The following SORCS3 variants were observed in gnomAD, a reference collection of about 807,000 sequenced individuals.
The protein encoded by SORCS3 is VPS10 domain-containing receptor SorCS3.
Under a neutral mutation model 146.3 loss-of-function variants are expected in SORCS3, and 57 were observed. The ratio of observed to expected loss-of-function variants is 0.39; its 90% confidence interval spans 0.31 to 0.49. The LOEUF is 0.49. Among genes scored for constraint, SORCS3 ranks in the 20% least tolerant of loss-of-function variants. SORCS3 has a pLI of 0.92. For synonymous variants in SORCS3, 653 were observed against 618.5 expected (o/e 1.06, Z -0.83); for missense variants, 1,341 against 1,575.5 (o/e 0.85, Z 2.52).
At position 104,970,540 on chromosome 10, in the gene SORCS3, C is replaced by A. The variant is rs79263006; in HGVS notation, c.796-6795C>A. Reference sequence around the variant, plus strand: ...GCAGCTTGAGTGCTTTGACCCGTTTCCCCTACCCCTACCCCTTCATAGTGC... The same window carrying A: ...GCAGCTTGAGTGCTTTGACCCGTTTACCCTACCCCTACCCCTTCATAGTGC... On this transcript the variant is annotated intron_variant, in intron 3 of 26. Transcript: ENST00000369701. Among the ~76,000 whole-genome samples the A allele has an allele frequency of 3.0e-3, 463 of 152,246 alleles. 3 individuals are homozygous for A. Among genetic ancestry groups the A allele is most frequent in the South Asian group, 0.019 (91 of 4,820 alleles).
At chr10:104,996,812 G>GA (rs1179882553) in intron 4 of SORCS3, among the ~76,000 whole-genome samples, 1 of 151,962 alleles carries the variant, frequency 6.6e-6, no homozygotes, top group African/African-American at 2.4e-5. Flanking sequence ...CTTAATAATA[G>GA]AAAAAAAAAT....
chr10:104,748,630 A>G (rs957487484), intron 1 of SORCS3, among the ~76,000 whole-genome samples: 1 of 152,154 alleles, frequency 6.6e-6, no homozygotes, highest in African/African-American at 2.4e-5. Flanking sequence ...GGGAAGGTGG[A>G]TCATCTGAGG....
At chr10:104,887,982 C>G (rs574992844) in intron 2 of SORCS3, among the ~76,000 whole-genome samples, 2 of 143,714 alleles carry the variant, frequency 1.4e-5, no homozygotes, top group Admixed American at 1.4e-4. Flanking sequence ...GCGGAGCAAG[C>G]CCATGAAGAC....
intron 2 of SORCS3, among the ~76,000 whole-genome samples, chr10:104,856,171 C>A (rs1047169286): frequency 1.1e-4 from 16 of 152,192 alleles, no homozygotes; most frequent in African/African-American, 3.9e-4. Context: ...TAGTATAATT[C>A]ATTTAATGAG....
chr10:105,193,378 T>G (rs1019692148), intron 14 of SORCS3, among the ~76,000 whole-genome samples: 4 of 152,354 alleles, frequency 2.6e-5, no homozygotes, highest in South Asian at 2.1e-4. Flanking sequence ...ATGATTTTGT[T>G]AGATTAATTC....
intron 4 of SORCS3, among the ~76,000 whole-genome samples, chr10:104,981,703 C>T (rs1419866103): frequency 6.6e-6 from 1 of 152,186 alleles, no homozygotes; most frequent in African/African-American, 2.4e-5. Flanking sequence ...TGACAAGAGA[C>T]TGCAGTTTTT....
chr10:104,773,203 G>T (rs918158270), intron 1 of SORCS3, among the ~76,000 whole-genome samples: 5 of 152,154 alleles, frequency 3.3e-5, no homozygotes. Context: ...ACAGGTGCAC[G>T]AGTATCTGAG....
intron 1 of SORCS3, among the ~76,000 whole-genome samples, chr10:104,840,503 C>T (rs945998556): frequency 1.3e-5 from 2 of 152,206 alleles, no homozygotes; most frequent in Admixed American, 6.5e-5. Flanking sequence ...TTCTCCCCTA[C>T]TAGACTAGAC....
At chr10:105,027,879 C>T (rs2055241451) in intron 4 of SORCS3, among the ~76,000 whole-genome samples, 1 of 152,142 alleles carries the variant, frequency 6.6e-6, no homozygotes, top group Admixed American at 6.5e-5. Flanking sequence ...AGCTTCCTTG[C>T]TGTTGGCCAT....
At chr10:105,067,771 C>T (rs2055531643) in intron 5 of SORCS3, among the ~76,000 whole-genome samples, 2 of 152,152 alleles carry the variant, frequency 1.3e-5, no homozygotes, top group African/African-American at 4.8e-5. Context: ...TTGACTTCAG[C>T]AGATGTTAAC....
At chr10:104,749,174 C>G (rs557552277) in intron 1 of SORCS3, among the ~76,000 whole-genome samples, 8 of 151,490 alleles carry the variant, frequency 5.3e-5, no homozygotes, top group African/African-American at 1.9e-4. Context: ...GAGGATTAAT[C>G]AAGTGTGGTT....
intron 2 of SORCS3, among the ~76,000 whole-genome samples, chr10:104,870,291 A>T (rs894087207): frequency 5.3e-5 from 8 of 152,216 alleles, no homozygotes; most frequent in Non-Finnish European, 8.8e-5. Context: ...GGAAAGAGAA[A>T]CACTGATCCA....
intron 1 of SORCS3, among the ~76,000 whole-genome samples, chr10:104,682,162 C>G (rs977355689): frequency 5.3e-5 from 8 of 152,160 alleles, no homozygotes; most frequent in African/African-American, 1.4e-4. Flanking sequence ...TTCTGGTTCT[C>G]TTTTATTTCC....
intron 1 of SORCS3, among the ~76,000 whole-genome samples, chr10:104,806,502 C>G (rs752049168): frequency 6.6e-6 from 1 of 152,178 alleles, no homozygotes; most frequent in Admixed American, 6.5e-5. Flanking sequence ...AAAGCCACAA[C>G]ATTGTTTATT....
At chr10:104,645,493 G>A (rs947646372) in intron 1 of SORCS3, among the ~76,000 whole-genome samples, 6 of 152,194 alleles carry the variant, frequency 3.9e-5, no homozygotes, top group Admixed American at 6.5e-5. Context: ...GTGCCAAGGT[G>A]AAAACACTGC....
intron 2 of SORCS3, among the ~76,000 whole-genome samples, chr10:104,872,198 T>G (rs1352908277): frequency 1.3e-5 from 2 of 152,186 alleles, no homozygotes; most frequent in Non-Finnish European, 2.9e-5. Context: ...GTAATCATAA[T>G]TGGGAAAGTA....
At chr10:104,922,957 G>A (rs1304393889) in intron 3 of SORCS3, among the ~76,000 whole-genome samples, 1 of 152,204 alleles carries the variant, frequency 6.6e-6, no homozygotes, top group Non-Finnish European at 1.5e-5. Flanking sequence ...GAAGCACATG[G>A]TTGATCCTTC....
At chr10:105,058,846 G>C (rs183165669) in intron 5 of SORCS3, among the ~76,000 whole-genome samples, 5 of 152,310 alleles carry the variant, frequency 3.3e-5, no homozygotes, top group Non-Finnish European at 5.9e-5. Context: ...CAATAGAATA[G>C]AGTAGAATAA....
At chr10:104,874,316 C>CT in intron 2 of SORCS3, among the ~76,000 whole-genome samples, 1 of 152,296 alleles carries the variant, frequency 6.6e-6, no homozygotes, top group East Asian at 1.9e-4. Flanking sequence ...GGTTTCTCTT[C>CT]TACCTCCATT....
Sources: allele counts gnomAD v4.1 joint callset (sites outside exome capture counted in the v4.1 genomes callset), GRCh38; gene constraint gnomAD v4.1.1; transcripts MANE v1.5; gene names NCBI Gene and HGNC (gene_info 2026-07-23, HGNC 2026-07-21).